Variants in MORC2 observed in about 807,000 individuals in gnomAD.
MORC2 encodes the protein MORC family CW-type zinc finger 2, also known as ATPase MORC2.
Under a neutral mutation model 136.0 loss-of-function variants are expected in MORC2, and 30 were observed. The observed-to-expected ratio is 0.22, with a 90% CI of 0.17 to 0.30. The LOEUF (loss-of-function observed/expected upper bound fraction) is 0.30. Among genes scored for constraint, MORC2 ranks in the 10% least tolerant of loss-of-function variants. The probability of loss-of-function intolerance (pLI) is 1.00; values close to 1 mark genes in which losing one functional copy is unlikely to be tolerated. For synonymous variants in MORC2, 439 were observed against 487.0 expected (o/e 0.90, Z 1.30); for missense variants, 922 against 1,333.1 (o/e 0.69, Z 4.80).
chr22:30,930,828 C>A (rs972065665), intron 24 of MORC2, among the ~76,000 whole-genome samples: 1 of 152,276 alleles, frequency 6.6e-6, no homozygotes, highest in South Asian at 2.1e-4. Flanking sequence ...GCCCTGGCCT[C>A]CCCCTCCCTC....
chr22:30,945,687 G>A (rs1244647806), intron 6 of MORC2, among the ~76,000 whole-genome samples: 1 of 152,190 alleles, frequency 6.6e-6, no homozygotes, highest in African/African-American at 2.4e-5. Context: ...AGCTTACATA[G>A]TCAATTACTA....
chr22:30,942,991 C>G lies in MORC2; in HGVS notation c.427-720G>C, dbSNP rs191568698. 2.7e-4 allele frequency among the ~76,000 whole-genome samples: 41 copies of G among 152,156 alleles called. No individual in the cohort carries two copies. In the East Asian group the frequency reaches 6.8e-3, roughly 25 times the overall value. The stretch of plus-strand genomic sequence containing the variant: ...CTGCACTCCAGCCTGGGCAACAGAG[C>G]AAGACTCCATCTCAAAAATAAATAA... On this transcript the variant is annotated intron_variant, in intron 6 of 25. Transcript: ENST00000397641.
At chr22:30,933,729 G>A (rs1013927064) in intron 20 of MORC2, among the ~76,000 whole-genome samples, 2 of 152,158 alleles carry the variant, frequency 1.3e-5, no homozygotes, top group Admixed American at 6.5e-5. Flanking sequence ...CAGCAGGCAA[G>A]GGACATGTGT....
intron 1 of MORC2, among the ~76,000 whole-genome samples, chr22:30,959,043 C>A (rs554371946): frequency 6.6e-6 from 1 of 152,168 alleles, no homozygotes; most frequent in Non-Finnish European, 1.5e-5. Flanking sequence ...ATTGCCTTAA[C>A]CAGTGGTCAG....
intron 25 of MORC2, 108 bp from the exon 26 acceptor site, chr22:30,926,979 G>A: frequency 1.2e-6 from 1 of 824,594 alleles, no homozygotes; most frequent in Non-Finnish European, 2.0e-6. Context: ...TCCTCTCCCT[G>A]ACCTCCCACC....
At chr22:30,933,975 G>A (rs538638389) in intron 20 of MORC2, 85 bp downstream of exon 20, 3 of 1,486,356 alleles carry the variant, frequency 2.0e-6, no homozygotes, top group East Asian at 4.5e-5. Context: ...GGATGGTATA[G>A]ACTGCTGATG....
intron 5 of MORC2, among the ~76,000 whole-genome samples, chr22:30,948,511 C>T (rs1272374735): frequency 6.6e-6 from 1 of 152,210 alleles, no homozygotes; most frequent in Non-Finnish European, 1.5e-5. Context: ...GCTCTCACAG[C>T]AATGATAGCA....
At chr22:30,956,002 A>G (rs1405202273) in intron 3 of MORC2, among the ~76,000 whole-genome samples, 8 of 137,722 alleles carry the variant, frequency 5.8e-5, no homozygotes, top group Non-Finnish European at 1.1e-4. Context: ...GTAAGACTCC[A>G]TCTCAAAAAA....
At chr22:30,957,643 C>T (rs188528803) in intron 2 of MORC2, among the ~76,000 whole-genome samples, 234 of 152,320 alleles carry the variant, frequency 1.5e-3, no homozygotes, top group Non-Finnish European at 2.6e-3. Flanking sequence ...TGCCACCGCA[C>T]ATCATGGTCT....
intron 17 of MORC2, 111 bp from the exon 18 acceptor site, chr22:30,935,433 A>T: frequency 9.6e-7 from 1 of 1,045,112 alleles, no homozygotes; most frequent in Middle Eastern, 2.5e-4. Context: ...CCTGAGCCAT[A>T]GTCCTACTCT....
At position 30,942,937 on chromosome 22, in the gene MORC2, G is replaced by A. The variant is rs972795073; in HGVS notation, c.427-666C>T. On this transcript the variant is annotated intron_variant, in intron 6 of 25. Coordinates refer to ENST00000397641, the MANE Select transcript of MORC2 (RefSeq NM_001303256.3). ...GGAGAATTGCTTGAATCTGGGAGGC[G>A]GAGGTTGCAGTGAGCTGAGATCGTG... is the stretch of plus-strand genomic sequence containing the variant. 5.9e-5 allele frequency among the ~76,000 whole-genome samples: 9 copies of A among 151,934 alleles called. No individual in the cohort carries two copies. The East Asian group carries it at 9.6e-4, about 16-fold the overall frequency.
At chr22:30,961,943 C>T (rs140036848) in intron 1 of MORC2, among the ~76,000 whole-genome samples, 4,768 of 152,198 alleles carry the variant, frequency 0.031, 102 homozygotes, top group Middle Eastern at 0.058. Context: ...CGCCTATAAA[C>T]CCAGCACTTT....
At chr22:30,967,784 G>A (rs1026655523) in intron 1 of MORC2, 38 bp downstream of exon 1, 16 of 1,549,634 alleles carry the variant, frequency 1.0e-5, no homozygotes, top group African/African-American at 2.7e-5. Context: ...CAAGGAACGA[G>A]TTACTGGTTA....
In MORC2 at chr22:30,926,726, C is replaced by T; in HGVS notation, c.*77G>A. 2 of 1,246,132 alleles carry T rather than the reference C, an allele frequency of 1.6e-6. No homozygotes were observed. Among genetic ancestry groups the T allele is most frequent in the Non-Finnish European group, 2.3e-6 (2 of 868,360 alleles). The allele number at this position is 1,246,132 out of a possible 1,614,324, so 77.2% of individuals were successfully genotyped here. On this transcript the variant is annotated 3_prime_UTR_variant, in exon 26 of 26. Transcript: ENST00000397641. ...TCAAACCAAGGTGCGACCACCAACCCATGAATGAAGTCCCCTCCCCCTGCA... is the reference window on the plus strand; with the variant it reads ...TCAAACCAAGGTGCGACCACCAACCTATGAATGAAGTCCCCTCCCCCTGCA...
In MORC2 at chr22:30,937,048, C is replaced by G; in HGVS notation, c.1499-11G>C. ...ATTTCAGACACAAATCTGCAGAGAG[C>G]AAAAAAACCCCACATATCAGCCACG... is the stretch of plus-strand genomic sequence containing the variant. On this transcript the variant is annotated splice_polypyrimidine_tract_variant and intron_variant, in intron 15 of 25. Transcript: ENST00000397641. The surrounding 1 kb of genome is among the most constrained non-coding windows in gnomAD (Gnocchi z 4.7). 6.3e-7 allele frequency: 1 copy of G among 1,595,644 alleles called. No individual in the cohort carries two copies. The highest frequency in any genetic ancestry group is 8.6e-7 in the Non-Finnish European group (1 of 1,163,938).
Position 30,967,908 on chromosome 22 carries a change from A to T in MORC2, c.-19T>A. 6.6e-7 allele frequency: 1 copy of T among 1,516,704 alleles called. No homozygotes were observed. Among genetic ancestry groups the T allele is most frequent in the Non-Finnish European group, 9.0e-7 (1 of 1,115,732 alleles). The allele number at this position is 1,516,704 out of a possible 1,614,324, so 94.0% of individuals were successfully genotyped here. On this transcript the variant is annotated 5_prime_UTR_variant, in exon 1 of 26. Coordinates refer to ENST00000397641, the MANE Select transcript of MORC2 (RefSeq NM_001303256.3). ...AAGCCATGACTGCAATAAGGTCTCC[A>T]GCCCTTCACCCGCTAACTGGGAAAT... is the stretch of plus-strand genomic sequence containing the variant.
At chr22:30,939,829 CTTCT>C (rs2040714241) in intron 11 of MORC2, 123 bp from the exon 12 acceptor site, 1 of 1,340,552 alleles carries the variant, frequency 7.5e-7, no homozygotes, top group Non-Finnish European at 1.0e-6. Context: ...TGGAAATTTA[CTTCT>C]TTCTACAGAA....
At position 30,934,204 on chromosome 22, in the gene MORC2, G is replaced by A. The variant is rs377671661; in HGVS notation, c.2194-13C>T. 1.1e-5 allele frequency: 18 copies of A among 1,614,000 alleles called. No homozygotes were observed. Among genetic ancestry groups the A allele is most frequent in the Non-Finnish European group, 1.4e-5 (17 of 1,179,994 alleles). ...GACTAGGGGTAGCCTAGAGCAAGAG[G>A]AGCGTGAGGATGTGAGGGGCCCTGT... On this transcript the variant is annotated splice_polypyrimidine_tract_variant and intron_variant, in intron 19 of 25. Transcript: ENST00000397641. This position sits in a 1 kb window ranked among gnomAD's most constrained non-coding sequence, Gnocchi z 4.4.
At chr22:30,939,844 A>G in intron 11 of MORC2, 115 bp downstream of exon 11, 2 of 1,348,240 alleles carry the variant, frequency 1.5e-6, no homozygotes, top group Non-Finnish European at 2.0e-6. Context: ...TTCTACAGAA[A>G]ACAGCCCTCA....
Sources: allele counts gnomAD v4.1 joint callset (sites outside exome capture counted in the v4.1 genomes callset), GRCh38; gene constraint gnomAD v4.1.1; non-coding constraint Gnocchi (gnomAD v3.1); transcripts MANE v1.5; gene names NCBI Gene and HGNC (gene_info 2026-07-23, HGNC 2026-07-21).